COPB2: variants seen among roughly 807,000 people sequenced by gnomAD.
COPB2 encodes the protein coat protein complex I subunit beta 2.
A neutral mutation model predicts 120.8 loss-of-function variants in COPB2; 16 were observed. That is an observed-to-expected ratio of 0.13 (90% CI 0.09 to 0.20). The LOEUF (loss-of-function observed/expected upper bound fraction) is 0.20. Ranked by LOEUF, COPB2 falls within the 10% of genes least tolerant of loss-of-function variation. The pLI, the probability that COPB2 is intolerant of heterozygous loss-of-function variation, is 1.00. For synonymous variants in COPB2, 332 were observed against 366.3 expected (o/e 0.91, Z 1.07); for missense variants, 794 against 1,076.5 (o/e 0.74, Z 3.67).
chr3:139,377,039 G>A (rs1312057998), intron 5 of COPB2, among the ~76,000 whole-genome samples: 2 of 151,826 alleles, frequency 1.3e-5, no homozygotes, highest in African/African-American at 4.8e-5. Context: ...GTGAGCCACC[G>A]TGCCTGGCAT....
rs1247164414 is a variant in COPB2 at position 139,357,826 on chromosome 3, A to G, written c.*37T>C. On this transcript the variant is annotated 3_prime_UTR_variant, in exon 22 of 22. Coordinates refer to ENST00000333188, the MANE Select transcript of COPB2 (RefSeq NM_004766.3). ...TAGCAATCAATACCTATATATAATAATGATCTGTTTAGTCAGGTAAATGGA... is the reference window on the plus strand; with the variant it reads ...TAGCAATCAATACCTATATATAATAGTGATCTGTTTAGTCAGGTAAATGGA... 1 of 1,137,970 alleles carries G rather than the reference A, an allele frequency of 8.8e-7. No homozygotes were observed. The highest frequency in any genetic ancestry group is 1.4e-5 in the South Asian group (1 of 70,966). The allele number at this position is 1,137,970 out of a possible 1,614,324, so 70.5% of individuals were successfully genotyped here.
chr3:139,374,684 A>C, intron 6 of COPB2, 96 bp from the exon 7 acceptor site: 1 of 837,374 alleles, frequency 1.2e-6, no homozygotes, highest in South Asian at 2.7e-5. Flanking sequence ...TATAAATGAT[A>C]GTAGTCATGA....
intron 13 of COPB2, among the ~76,000 whole-genome samples, 193 bp downstream of exon 13, chr3:139,367,952 C>A (rs1165127340): frequency 6.6e-6 from 1 of 152,154 alleles, no homozygotes; most frequent in East Asian, 1.9e-4. Flanking sequence ...GTACAAATTT[C>A]TTTTAAACAT....
intron 1 of COPB2, among the ~76,000 whole-genome samples, chr3:139,386,179 A>G (rs1941916523): frequency 6.6e-6 from 1 of 152,146 alleles, no homozygotes; most frequent in Non-Finnish European, 1.5e-5. Flanking sequence ...AAAAGATCAG[A>G]GTTCTCTGGC....
chr3:139,384,125 A>T (rs908106200), intron 1 of COPB2, among the ~76,000 whole-genome samples: 2 of 152,208 alleles, frequency 1.3e-5, no homozygotes, highest in African/African-American at 4.8e-5. Flanking sequence ...CTTAAAGGCT[A>T]CTTGCAAGGT....
rs574688546 is a variant in COPB2, at chr3:139,362,276, A to T, written c.1995+131T>A. 6 of 501,370 alleles carry T rather than the reference A, an allele frequency of 1.2e-5. No individual in the cohort carries two copies. The South Asian group carries it at 2.0e-4, about 17-fold the overall frequency. 31.1% of individuals were successfully genotyped at this position (501,370 alleles called of 1,614,324 possible). On this transcript the variant is annotated intron_variant, in intron 16 of 21. Coordinates refer to ENST00000333188, the MANE Select transcript of COPB2 (RefSeq NM_004766.3). ...CATCTTTTAAAAAGATAAGAGAGAG[A>T]CAATAACTTCAACAAAATGAGCCAC... is the stretch of plus-strand genomic sequence containing the variant.
intron 15 of COPB2, among the ~76,000 whole-genome samples, chr3:139,363,429 C>T (rs1035631242): frequency 4.6e-5 from 7 of 152,132 alleles, no homozygotes; most frequent in South Asian, 2.1e-4. Flanking sequence ...TAATGCCTGA[C>T]GATCTGAGGT....
In COPB2 at chr3:139,373,931, A is replaced by T. The variant is rs577548678; in HGVS notation, c.752-123T>A. On this transcript the variant is annotated intron_variant, in intron 7 of 21. Transcript: ENST00000333188. ...GATAACACTTCCTGGCAGCTTAATG[A>T]CCAATTTTTTGACCTACTGTCTTTA... 4.4e-4 allele frequency: 522 copies of T among 1,173,464 alleles called. 10 individuals are homozygous for T. In the South Asian group the frequency reaches 6.1e-3, roughly 14 times the overall value. The allele number at this position is 1,173,464 out of a possible 1,614,324, so 72.7% of individuals were successfully genotyped here.
Position 139,357,833 on chromosome 3 carries a change from GT to G in COPB2, c.*29del, listed in dbSNP as rs1941319691. On this transcript the variant is annotated 3_prime_UTR_variant, in exon 22 of 22. Transcript: ENST00000333188. ...CAATACCTATATATAATAATGATCT[GT>G]TTAGTCAGGTAAATGGAAAGCATTA... is the stretch of plus-strand genomic sequence containing the variant. 2 of 1,226,212 alleles carry G rather than the reference GT, an allele frequency of 1.6e-6. No individual in the cohort carries two copies. The highest frequency in any genetic ancestry group is 2.4e-6 in the Non-Finnish European group (2 of 847,170). The allele number at this position is 1,226,212 out of a possible 1,614,324, so 76.0% of individuals were successfully genotyped here.
At chr3:139,367,257 C>T (rs1941535038) in intron 13 of COPB2, 112 bp from the exon 14 acceptor site, 3 of 1,285,286 alleles carry the variant, frequency 2.3e-6, no homozygotes, top group South Asian at 1.7e-5. Context: ...AAAGTAAAAT[C>T]CTTCCTATTT....
intron 1 of COPB2, among the ~76,000 whole-genome samples, chr3:139,388,582 G>C (rs1252511114): frequency 6.6e-6 from 1 of 150,616 alleles, no homozygotes; most frequent in Non-Finnish European, 1.5e-5. Context: ...TTAATCCCTA[G>C]CGTCTTCAAG....
At chr3:139,375,182 A>T (rs1462391274) in intron 6 of COPB2, among the ~76,000 whole-genome samples, 1 of 152,230 alleles carries the variant, frequency 6.6e-6, no homozygotes, top group East Asian at 1.9e-4. Context: ...AATGAATAGA[A>T]GTCTATCAAT....
intron 14 of COPB2, 48 bp downstream of exon 14, chr3:139,366,967 T>C (rs768164170): frequency 6.3e-7 from 1 of 1,583,812 alleles, no homozygotes; most frequent in Admixed American, 1.8e-5. Context: ...CAGATTTTTC[T>C]AAACACACTT....
At chr3:139,384,077 T>C (rs1941866751) in intron 1 of COPB2, among the ~76,000 whole-genome samples, 2 of 152,226 alleles carry the variant, frequency 1.3e-5, no homozygotes, top group African/African-American at 4.8e-5. Flanking sequence ...AGTTTTTTCA[T>C]TACTTGAAAT....
intron 4 of COPB2, among the ~76,000 whole-genome samples, chr3:139,378,419 T>C (rs1008378222): frequency 2.0e-5 from 3 of 151,892 alleles, no homozygotes; most frequent in African/African-American, 7.3e-5. Context: ...AAATAGAAAA[T>C]ATAAAAATTC....
At chr3:139,387,323 T>C (rs1013507381) in intron 1 of COPB2, among the ~76,000 whole-genome samples, 1 of 152,162 alleles carries the variant, frequency 6.6e-6, no homozygotes, top group African/African-American at 2.4e-5. Context: ...TGTGATAATA[T>C]TTCTCCCAAC....
intron 15 of COPB2, among the ~76,000 whole-genome samples, chr3:139,364,600 A>C (rs1941482641): frequency 6.6e-6 from 1 of 152,198 alleles, no homozygotes; most frequent in African/African-American, 2.4e-5. Context: ...CTAAAATGTC[A>C]ACTCCATGAA....
intron 7 of COPB2, 86 bp from the exon 8 acceptor site, chr3:139,373,894 T>C (rs1233190637): frequency 6.6e-7 from 1 of 1,517,748 alleles, no homozygotes; most frequent in Admixed American, 1.9e-5. Context: ...TAGAAGTCTT[T>C]CTATTCAAAC....
Position 139,367,063 on chromosome 3 carries a change from A to T in COPB2, c.1628T>A (p.Leu543Ter). The T allele has an allele frequency of 6.2e-7, 1 of 1,613,912 alleles. No homozygotes were observed. The highest frequency in any genetic ancestry group is 8.5e-7 in the Non-Finnish European group (1 of 1,179,882). Residue 543 changes from leucine to a stop codon, truncating the protein, a stop_gained, in exon 14 of 22, where the codon TTA becomes TAA. Coordinates refer to ENST00000333188, the MANE Select transcript of COPB2 (RefSeq NM_004766.3). LOFTEE classifies it high-confidence loss of function. ...TATTTCTCCTCCAACATAATAATTT[A>T]ATCTGTTCACAGAACTTGTGTAAAT... ...CFIYTSSVNR[L>*]NYYVGGEIVT...
Sources: allele counts gnomAD v4.1 joint callset (sites outside exome capture counted in the v4.1 genomes callset), GRCh38; gene constraint gnomAD v4.1.1; transcripts MANE v1.5; gene names NCBI Gene and HGNC (gene_info 2026-07-23, HGNC 2026-07-21).